SSX2IP: variants seen among roughly 807,000 people sequenced by gnomAD.
SSX2IP encodes afadin- and alpha-actinin-binding protein.
SSX2IP carries 55 observed loss-of-function variants against 84.9 expected under a neutral mutation model. The ratio of observed to expected loss-of-function variants is 0.65; its 90% CI spans 0.52 to 0.81. SSX2IP has a LOEUF of 0.81. SSX2IP is among the 30% of genes least tolerant of loss of function. The pLI is 0.00. For synonymous variants in SSX2IP, 239 were observed against 234.7 expected, an observed-to-expected ratio of 1.02 and a Z score of -0.17; for missense variants, 664 against 705.2, an observed-to-expected ratio of 0.94 and a Z score of 0.66.
In SSX2IP at chr1:84,644,499, A is replaced by G. The variant is rs762201587; in HGVS notation, c.*2934T>C. 9.9e-5 allele frequency: 15 copies of G among 152,240 alleles called. No homozygotes were observed. The highest frequency in any genetic ancestry group is 2.6e-4 in the Admixed American group (4 of 15,288). The allele number at this position is 152,240 out of a possible 1,614,324, so 9.4% of individuals were successfully genotyped here. ...AAATAGGGAAAAGTATATTTACTAG[A>G]CTTCCATAATCCATACTTACTTTAA... On this transcript the variant is annotated 3_prime_UTR_variant, in exon 14 of 14. Coordinates refer to ENST00000342203, the MANE Select transcript of SSX2IP (RefSeq NM_001166293.2).
chr1:84,645,632 A>G lies in SSX2IP; in HGVS notation c.*1801T>C, dbSNP rs1649378551. ...TACACCATGGAAAACCCTCGGGGGAAAATTGTTGCCAAATGTATCCATTAA... is the reference window on the plus strand; with the variant it reads ...TACACCATGGAAAACCCTCGGGGGAGAATTGTTGCCAAATGTATCCATTAA... On this transcript the variant is annotated 3_prime_UTR_variant, in exon 14 of 14. Coordinates refer to ENST00000342203, the MANE Select transcript of SSX2IP (RefSeq NM_001166293.2). The G allele has an allele frequency of 6.6e-6, 1 of 152,192 alleles. No individual in the cohort carries two copies. The highest frequency in any genetic ancestry group is 2.1e-4 in the South Asian group (1 of 4,832). 9.4% of individuals were successfully genotyped at this position (152,192 alleles called of 1,614,324 possible). A position where few individuals can be genotyped will look rare whatever the true frequency, so the allele number is the denominator to read the frequency against.
At position 84,647,125 on chromosome 1, in the gene SSX2IP, TAA is replaced by T. The variant is rs1411576627; in HGVS notation, c.*306_*307del. On this transcript the variant is annotated 3_prime_UTR_variant, in exon 14 of 14. Transcript: ENST00000342203. ...TAAACATTTACAATAATCAGTTTCCTAAAAGTGCTATTTTTAATACCTATAAG... is the reference window on the plus strand; with the variant it reads ...TAAACATTTACAATAATCAGTTTCCTAAGTGCTATTTTTAATACCTATAAG... 2.0e-5 allele frequency: 4 copies of T among 197,976 alleles called. No individual in the cohort carries two copies. Among genetic ancestry groups the T allele is most frequent in the Non-Finnish European group, 3.0e-5 (3 of 98,758 alleles). The allele number at this position is 197,976 out of a possible 1,614,324, so 12.3% of individuals were successfully genotyped here.
chr1:84,649,543 T>C (rs974503319), intron 13 of SSX2IP: 1 of 153,888 alleles, frequency 6.5e-6, no homozygotes, highest in Admixed American at 6.5e-5. Context: ...GCTGGCTTCT[T>C]CGACACTTAG....
chr1:84,654,464 G>C (rs1650776295), intron 11 of SSX2IP, among the ~76,000 whole-genome samples: 1 of 151,854 alleles, frequency 6.6e-6, no homozygotes, highest in Non-Finnish European at 1.5e-5. Flanking sequence ...CCAGAATTCA[G>C]AATGTTTACA....
chr1:84,685,359 G>A (rs1655640485), intron 1 of SSX2IP, among the ~76,000 whole-genome samples: 2 of 152,226 alleles, frequency 1.3e-5, no homozygotes, highest in Non-Finnish European at 2.9e-5. Context: ...AAGGATCCAT[G>A]GATGGCAAGT....
chr1:84,658,365 T>A lies in SSX2IP; in HGVS notation c.1031A>T (p.Lys344Ile). Reference protein sequence around the residue: ...VREQLTNSIRKQWRILKSHVE... With the variant: ...VREQLTNSIRIQWRILKSHVE... ...ATGACTTTTCAAAATTCTCCACTGTTTTCTGATGCTGTTTGTAAGCTGCTC... is the reference window on the plus strand; with the variant it reads ...ATGACTTTTCAAAATTCTCCACTGTATTCTGATGCTGTTTGTAAGCTGCTC... The change falls in exon 9 of 14, where the codon AAA becomes ATA. Residue 344 changes from lysine (K) to isoleucine (I), a missense_variant. Coordinates refer to ENST00000342203, the MANE Select transcript of SSX2IP (RefSeq NM_001166293.2). The A allele has an allele frequency of 6.2e-7, 1 of 1,614,158 alleles. No individual in the cohort carries two copies. The highest frequency in any genetic ancestry group is 8.5e-7 in the Non-Finnish European group (1 of 1,180,024).
At chr1:84,664,704 A>G (rs558294872) in intron 5 of SSX2IP, 152 bp from the exon 6 acceptor site, 2 of 582,262 alleles carry the variant, frequency 3.4e-6, no homozygotes, top group Non-Finnish European at 5.3e-6. Context: ...TAAATATTAT[A>G]TGAATCACAT....
intron 1 of SSX2IP, among the ~76,000 whole-genome samples, chr1:84,684,193 T>A (rs1349093013): frequency 2.0e-5 from 3 of 152,154 alleles, no homozygotes; most frequent in Non-Finnish European, 2.9e-5. Context: ...ACCAGCAGCA[T>A]CAACATCACC....
chr1:84,671,835 CAA>C (rs1289822111), intron 1 of SSX2IP, among the ~76,000 whole-genome samples: 1 of 152,132 alleles, frequency 6.6e-6, no homozygotes, highest in Non-Finnish European at 1.5e-5. Flanking sequence ...CAATATGTTT[CAA>C]GTCTTAAAAT....
chr1:84,656,464 C>T lies in SSX2IP; in HGVS notation c.1099G>A (p.Gly367Ser), dbSNP rs764453235. The change falls in exon 10 of 14, where the codon GGT becomes AGT. Residue 367 changes from glycine (G) to serine (S), a missense_variant. Physicochemically the swap from Gly to Ser is moderately conservative, Grantham distance 56. Transcript: ENST00000342203. ...GAGATTACATCTTCATCATTAAAAC[C>T]TTCCAGGTGTACCTTTGAAACTAAG... The part of the protein sequence containing the change: ...DNQVSKVHLE[G>S]FNDEDVISRQ... 4.3e-6 allele frequency: 7 copies of T among 1,612,238 alleles called. No homozygotes were observed. In the South Asian group the frequency reaches 7.7e-5, roughly 18 times the overall value.
chr1:84,652,005 A>T lies in SSX2IP; in HGVS notation c.1390-8T>A. 1 of 1,589,142 alleles carries T rather than the reference A, an allele frequency of 6.3e-7. No homozygotes were observed. The highest frequency in any genetic ancestry group is 8.6e-7 in the Non-Finnish European group (1 of 1,157,594). Reference sequence around the variant, plus strand: ...TTCTTCAAATGCCTTTCTCTACCATAAACAGCCAAAGAAATAATGATCAAT... The same window carrying T: ...TTCTTCAAATGCCTTTCTCTACCATTAACAGCCAAAGAAATAATGATCAAT... On this transcript the variant is annotated splice_polypyrimidine_tract_variant and splice_region_variant and intron_variant, in intron 11 of 13. Coordinates refer to ENST00000342203, the MANE Select transcript of SSX2IP (RefSeq NM_001166293.2).
chr1:84,661,067 TAA>T (rs11362632), intron 8 of SSX2IP, among the ~76,000 whole-genome samples: 11,820 of 107,476 alleles, frequency 0.11, 1,240 homozygotes, highest in African/African-American at 0.28. Context: ...CTCCGTCTCT[TAA>T]AAAAAAAAAA....
chr1:84,655,669 T>C, intron 11 of SSX2IP, 163 bp downstream of exon 11: 1 of 1,478,610 alleles, frequency 6.8e-7, no homozygotes, highest in Non-Finnish European at 9.0e-7. Context: ...ATGATCCCAT[T>C]CTATATGCTC....
At chr1:84,649,066 TC>T (rs1380102398) in intron 13 of SSX2IP, among the ~76,000 whole-genome samples, 4 of 152,168 alleles carry the variant, frequency 2.6e-5, no homozygotes, top group Non-Finnish European at 5.9e-5. Flanking sequence ...TTTTTTCTAT[TC>T]CCCTTAGAAC....
intron 8 of SSX2IP, 131 bp from the exon 9 acceptor site, chr1:84,658,599 T>C: frequency 9.8e-7 from 1 of 1,018,258 alleles, no homozygotes; most frequent in Non-Finnish European, 1.4e-6. Flanking sequence ...GTCTTATGCA[T>C]ATATGGCCCA....
chr1:84,657,241 T>C (rs775642657), intron 9 of SSX2IP, among the ~76,000 whole-genome samples: 1 of 152,046 alleles, frequency 6.6e-6, no homozygotes, highest in Non-Finnish European at 1.5e-5. Flanking sequence ...ATAAGGATAA[T>C]AGTTAAGTGA....
Position 84,655,853 on chromosome 1 carries a change from G to A in SSX2IP, c.1368C>T (p.Ala456=), listed in dbSNP as rs369405798. ...ATACCTCCAATCCCAGGCGAATAGC[G>A]GCTTCTGTAAAGCTTCGTCTCTCCC... ...FERERRSFTE[A]AIRLGLERKA... Residue 456 remains alanine (A), a synonymous_variant, in exon 11 of 14, where the codon GCC becomes GCT. Coordinates refer to ENST00000342203, the MANE Select transcript of SSX2IP (RefSeq NM_001166293.2). 29 of 1,613,292 alleles carry A rather than the reference G, an allele frequency of 1.8e-5. No individual in the cohort carries two copies. The East Asian group carries it at 2.9e-4, about 16-fold the overall frequency.
intron 1 of SSX2IP, among the ~76,000 whole-genome samples, chr1:84,685,308 G>A (rs1395282942): frequency 5.3e-5 from 8 of 152,138 alleles, no homozygotes; most frequent in African/African-American, 1.7e-4. Context: ...CAGGCAATTT[G>A]GGCTAGAGTT....
At chr1:84,665,283 C>T (rs574263794) in intron 5 of SSX2IP, among the ~76,000 whole-genome samples, 7 of 152,086 alleles carry the variant, frequency 4.6e-5, no homozygotes, top group African/African-American at 1.2e-4. Context: ...CAAGGAAACA[C>T]GTACAAGCAA....
Sources: allele counts gnomAD v4.1 joint callset (sites outside exome capture counted in the v4.1 genomes callset), GRCh38; gene constraint gnomAD v4.1.1; transcripts MANE v1.5; gene names NCBI Gene and HGNC (gene_info 2026-07-23, HGNC 2026-07-21).